NTAQ1: variants seen among roughly 807,000 people sequenced by gnomAD.
NTAQ1 encodes the protein N-terminal glutamine amidase 1.
In NTAQ1, 21 loss-of-function variants were observed where a neutral mutation model predicts 28.2. The observed-to-expected ratio is 0.74, with a 90% CI of 0.53 to 1.07. The LOEUF (loss-of-function observed/expected upper bound fraction) is 1.07. NTAQ1 is among the 50% of genes least tolerant of loss of function. The pLI, the probability that NTAQ1 is intolerant of heterozygous loss-of-function variation, is 0.00. For missense variants in NTAQ1, 264 were observed against 256.6 expected (o/e 1.03, Z -0.20); for synonymous variants, 105 against 90.0 (o/e 1.17, Z -0.94).
chr8:123,419,238 A>C (rs1214025564), intron 1 of NTAQ1, among the ~76,000 whole-genome samples: 1 of 151,934 alleles, frequency 6.6e-6, no homozygotes, highest in Admixed American at 6.6e-5. Flanking sequence ...AGCTGGGACT[A>C]CAGGCACCCA....
downstream of NTAQ1, among the ~76,000 whole-genome samples, chr8:123,472,292 T>C (rs550492076): frequency 1.3e-5 from 2 of 152,338 alleles, no homozygotes; most frequent in South Asian, 4.1e-4. Flanking sequence ...GGGTTATTAA[T>C]TGCCCTCTGC....
the NTAQ1 span, among the ~76,000 whole-genome samples, chr8:123,475,576 A>G: frequency 6.6e-6 from 1 of 152,234 alleles, no homozygotes; most frequent in Non-Finnish European, 1.5e-5. Flanking sequence ...GTTTATTTCA[A>G]CATATATCTG....
At chr8:123,463,881 T>G (rs6984935) in intron 6 of NTAQ1, among the ~76,000 whole-genome samples, 1 of 152,104 alleles carries the variant, frequency 6.6e-6, no homozygotes, top group African/African-American at 2.4e-5. Context: ...TAATTCCTAC[T>G]TGTCGTGGGA....
intron 6 of NTAQ1, among the ~76,000 whole-genome samples, chr8:123,463,997 C>T (rs1454622750): frequency 6.6e-6 from 1 of 152,160 alleles, no homozygotes; most frequent in Non-Finnish European, 1.5e-5. Context: ...AAAGGGGACT[C>T]CCCCGCACAT....
chr8:123,435,637 C>A, intron 3 of NTAQ1: 3 of 621,068 alleles, frequency 4.8e-6, no homozygotes, highest in Non-Finnish European at 6.0e-6. Context: ...GAGGCTGAGG[C>A]GGGGGGATCA....
At chr8:123,451,826 G>C (rs550628726), downstream of NTAQ1, among the ~76,000 whole-genome samples, 84 of 152,296 alleles carry the variant, frequency 5.5e-4, 1 homozygote, top group South Asian at 0.016. Context: ...CACTCCACTG[G>C]ATCTCAGGAT....
chr8:123,439,637 C>T (rs757429469), intron 5 of NTAQ1, among the ~76,000 whole-genome samples: 5 of 151,770 alleles, frequency 3.3e-5, no homozygotes, highest in East Asian at 2.0e-4. Context: ...TGAGCCACCG[C>T]GCCGGCCACA....
chr8:123,437,227 G>A lies in NTAQ1; in HGVS notation c.401G>A (p.Arg134His), dbSNP rs752079595. The A allele has an allele frequency of 8.7e-6, 14 of 1,614,060 alleles. No homozygotes were observed. Among genetic ancestry groups the A allele is most frequent in the East Asian group, 2.2e-5 (1 of 44,876 alleles). Residue 134 changes from arginine (R) to histidine (H), a missense_variant, in exon 5 of 6, where the codon CGT (arginine) becomes CAT (histidine). Arg to His is a conservative substitution (Grantham distance 29, BLOSUM62 0). Transcript: ENST00000287387. Reference sequence around the variant, plus strand: ...TTCTGCAGGAAATTTAGAGTGATCCGTGCAGATTCATATTTGAAGAACTTT... The same window carrying A: ...TTCTGCAGGAAATTTAGAGTGATCCATGCAGATTCATATTTGAAGAACTTT... ...PQFRRKFRVIRADSYLKNFAS... is the reference protein window; with the variant it reads ...PQFRRKFRVIHADSYLKNFAS...
intron 6 of NTAQ1, among the ~76,000 whole-genome samples, chr8:123,460,490 T>G (rs1563907001): frequency 6.6e-6 from 1 of 152,142 alleles, no homozygotes; most frequent in Non-Finnish European, 1.5e-5. Flanking sequence ...GTCTTGGGTC[T>G]AAGGAGGGGC....
intron 3 of NTAQ1, among the ~76,000 whole-genome samples, chr8:123,432,024 G>A (rs750183482): frequency 3.9e-5 from 6 of 152,146 alleles, no homozygotes; most frequent in Non-Finnish European, 7.3e-5. Flanking sequence ...GCTCAAGATG[G>A]GGAATCCTGT....
At chr8:123,445,021 A>G (rs1417234392), downstream of NTAQ1, among the ~76,000 whole-genome samples, 1 of 152,134 alleles carries the variant, frequency 6.6e-6, no homozygotes, top group Non-Finnish European at 1.5e-5. Context: ...GTAAATGCAA[A>G]CCTTTTTGTG....
At chr8:123,427,511 G>C (rs567934158) in intron 1 of NTAQ1, among the ~76,000 whole-genome samples, 2 of 151,924 alleles carry the variant, frequency 1.3e-5, no homozygotes, top group African/African-American at 4.8e-5. Context: ...CTCGTGATCC[G>C]CCCGCCTCGG....
At chr8:123,463,738 G>A (rs377470976) in intron 6 of NTAQ1, among the ~76,000 whole-genome samples, 3 of 152,282 alleles carry the variant, frequency 2.0e-5, no homozygotes, top group East Asian at 3.9e-4. Flanking sequence ...AAGAAAGGAA[G>A]CAGGATGAGA....
At chr8:123,474,831 G>T (rs1412543973), downstream of NTAQ1, among the ~76,000 whole-genome samples, 1 of 152,156 alleles carries the variant, frequency 6.6e-6, no homozygotes, top group Admixed American at 6.5e-5. Context: ...AGGTTGCAGT[G>T]AGCCGAGATC....
Position 123,427,978 on chromosome 8 carries a change from T to G in NTAQ1, c.138T>G (p.Pro46=), listed in dbSNP as rs1814165118. Residue 46 remains proline, a synonymous_variant, in exon 2 of 6, where the codon CCT becomes CCG. Transcript: ENST00000287387. ...ACATCAAAAACCATGACCAGTATCC[T>G]TTAGAAGAATGTTATGCTGTCTTCA... The part of the protein sequence containing the change: ...CEYIKNHDQY[P]LEECYAVFIS... The G allele has an allele frequency of 6.2e-7, 1 of 1,611,430 alleles. No individual in the cohort carries two copies. The highest frequency in any genetic ancestry group is 1.1e-5 in the South Asian group (1 of 90,214).
intron 4 of NTAQ1, 134 bp downstream of exon 4, chr8:123,436,735 T>C: frequency 1.1e-6 from 1 of 935,744 alleles, no homozygotes; most frequent in Non-Finnish European, 1.6e-6. Flanking sequence ...TGTTTAAGAA[T>C]GATGTATTTG....
intron 6 of NTAQ1, among the ~76,000 whole-genome samples, chr8:123,461,541 T>C (rs1815825189): frequency 6.6e-6 from 1 of 152,174 alleles, no homozygotes; most frequent in Non-Finnish European, 1.5e-5. Flanking sequence ...CAGCTTTCCT[T>C]AGCCCCAGCC....
intron 1 of NTAQ1, among the ~76,000 whole-genome samples, chr8:123,424,689 A>C (rs1268004051): frequency 1.3e-5 from 2 of 152,004 alleles, no homozygotes; most frequent in Non-Finnish European, 2.9e-5. Flanking sequence ...ACAGGCATGA[A>C]CCACCTCGCC....
intron 2 of NTAQ1, among the ~76,000 whole-genome samples, chr8:123,428,301 A>C (rs1814190948): frequency 6.6e-6 from 1 of 152,088 alleles, no homozygotes; most frequent in Non-Finnish European, 1.5e-5. Context: ...GGTTCAAGCG[A>C]TTCTCCTGCC....
Sources: gnomAD v4.1 joint callset for allele counts (sites outside exome capture counted in the v4.1 genomes callset) on GRCh38, gnomAD v4.1.1 for gene constraint, MANE v1.5 for transcripts, NCBI Gene and HGNC (gene_info 2026-07-23, HGNC 2026-07-21) for gene names.